CHLSN: variants seen among roughly 807,000 people sequenced by gnomAD.
CHLSN encodes cholesin.
the CHLSN span, among the ~76,000 whole-genome samples, chr7:1,096,506 C>T: frequency 6.6e-6 from 1 of 152,216 alleles, no homozygotes; most frequent in Non-Finnish European, 1.5e-5. This position sits in a 1 kb window ranked among gnomAD's most constrained non-coding sequence, Gnocchi z 4.6. Context: ...GCCGCCGGCG[C>T]AGCCACACAC....
At chr7:1,105,566 C>G in the CHLSN span, among the ~76,000 whole-genome samples, 1 of 151,294 alleles carries the variant, frequency 6.6e-6, no homozygotes, top group Non-Finnish European at 1.5e-5. Flanking sequence ...TTTAAAAATA[C>G]TTAGAAAAAA....
the CHLSN span, among the ~76,000 whole-genome samples, chr7:1,095,651 C>A: frequency 6.6e-6 from 1 of 152,348 alleles, no homozygotes; most frequent in African/African-American, 2.4e-5. Context: ...CTGGTCCCCA[C>A]CCCTCACAGC....
At chr7:1,031,221 G>A in the CHLSN span, among the ~76,000 whole-genome samples, 4 of 152,240 alleles carry the variant, frequency 2.6e-5, no homozygotes, top group Non-Finnish European at 5.9e-5. Flanking sequence ...ACAAAGATGC[G>A]TGCCCATTGA....
chr7:1,004,842 G>A, the CHLSN span, among the ~76,000 whole-genome samples: 1 of 152,224 alleles, frequency 6.6e-6, no homozygotes, highest in Non-Finnish European at 1.5e-5. Context: ...AGCAGTCAGA[G>A]GGAAGTCCCT....
chr7:1,110,010 G>C, the CHLSN span, among the ~76,000 whole-genome samples: 10 of 152,292 alleles, frequency 6.6e-5, 1 homozygote, highest in South Asian at 2.1e-3. Flanking sequence ...GGGCAGCGTG[G>C]GGAGGACACC....
the CHLSN span, among the ~76,000 whole-genome samples, chr7:1,100,431 G>C: frequency 6.6e-6 from 1 of 152,256 alleles, no homozygotes; most frequent in Admixed American, 6.5e-5. Context: ...AGGCTGCACA[G>C]ACCCGGGACA....
the CHLSN span, among the ~76,000 whole-genome samples, chr7:1,081,124 C>T: frequency 1.2e-4 from 18 of 152,378 alleles, no homozygotes; most frequent in East Asian, 3.5e-3. Context: ...CCTGCAGCTC[C>T]CAAAGGGCTT....
chr7:1,039,393 C>T, the CHLSN span, among the ~76,000 whole-genome samples: 1 of 63,574 alleles, frequency 1.6e-5, no homozygotes, highest in Admixed American at 1.4e-4. Context: ...CCCGGCCAGC[C>T]GCCCCGTCCG....
the CHLSN span, among the ~76,000 whole-genome samples, chr7:1,126,256 G>A: frequency 1.3e-5 from 2 of 150,036 alleles, no homozygotes; most frequent in Non-Finnish European, 3.0e-5. Flanking sequence ...AGCTACTCAG[G>A]AGGCTGAGAC....
chr7:1,066,384 C>G, the CHLSN span, among the ~76,000 whole-genome samples: 3 of 152,252 alleles, frequency 2.0e-5, no homozygotes, highest in African/African-American at 7.2e-5. Context: ...TCGTGGCCCA[C>G]AGATGCCAGC....
At chr7:1,009,997 C>T in the CHLSN span, 77 of 1,594,236 alleles carry the variant, frequency 4.8e-5, 1 homozygote, top group African/African-American at 6.6e-4. Context: ...GCCTGGCAGG[C>T]GGGTGCTGGG....
chr7:1,110,499 C>T, the CHLSN span, among the ~76,000 whole-genome samples: 104 of 152,324 alleles, frequency 6.8e-4, no homozygotes, highest in Non-Finnish European at 1.2e-3. Context: ...GCAGCCTGAG[C>T]GCTCTTCCCG....
chr7:997,810 C>T, the CHLSN span: 12 of 1,599,400 alleles, frequency 7.5e-6, no homozygotes, highest in Admixed American at 1.2e-4. Flanking sequence ...GGAACCTGGA[C>T]GGGAAAGAGA....
chr7:1,086,568 T>G, the CHLSN span, among the ~76,000 whole-genome samples: 7 of 152,234 alleles, frequency 4.6e-5, no homozygotes, highest in Non-Finnish European at 1.0e-4. Context: ...AGACTTTAAA[T>G]TGCTATTGCA....
At chr7:1,004,492 GCCTACGGC>G in the CHLSN span, among the ~76,000 whole-genome samples, 1 of 150,996 alleles carries the variant, frequency 6.6e-6, no homozygotes, top group Non-Finnish European at 1.5e-5. Context: ...CGGCACTGCT[GCCTACGGC>G]CCTGAACCAA....
chr7:1,091,744 C>G, the CHLSN span: 1 of 1,531,276 alleles, frequency 6.5e-7, no homozygotes, highest in Non-Finnish European at 8.8e-7. Context: ...TGTGACTTCC[C>G]AAGCCCGGGG....
chr7:999,596 C>T, the CHLSN span, among the ~76,000 whole-genome samples: 1 of 152,218 alleles, frequency 6.6e-6, no homozygotes, highest in African/African-American at 2.4e-5. Flanking sequence ...ACAAAAACAA[C>T]AAAATAATGA....
chr7:1,118,280 A>T, the CHLSN span, among the ~76,000 whole-genome samples: 1 of 152,272 alleles, frequency 6.6e-6, no homozygotes, highest in Non-Finnish European at 1.5e-5. Context: ...CAAAGACGGC[A>T]TGAACACGAA....
At chr7:1,049,822 T>C in the CHLSN span, among the ~76,000 whole-genome samples, 16,277 of 152,254 alleles carry the variant, frequency 0.11, 1,152 homozygotes, top group Middle Eastern at 0.2. Flanking sequence ...ACCACTGTAC[T>C]GGGTTCTATG....
Sources: allele counts gnomAD v4.1 joint callset (sites outside exome capture counted in the v4.1 genomes callset), GRCh38; gene constraint gnomAD v4.1.1; non-coding constraint Gnocchi (gnomAD v3.1); transcripts MANE v1.5; gene names NCBI Gene and HGNC (gene_info 2026-07-23, HGNC 2026-07-21).